MLXIPL: variants seen among roughly 807,000 people sequenced by gnomAD.
The protein encoded by MLXIPL is MLX interacting protein like.
A neutral mutation model predicts 81.5 loss-of-function variants in MLXIPL; 49 were observed. The ratio of observed to expected loss-of-function variants is 0.60; its 90% CI spans 0.48 to 0.76. MLXIPL has a LOEUF of 0.76. Ranked by LOEUF, MLXIPL falls within the 30% of genes least tolerant of loss-of-function variation. MLXIPL has a pLI of 0.00. For missense variants in MLXIPL, 1,053 were observed against 1,167.0 expected (o/e 0.90, Z 1.42); for synonymous variants, 466 against 485.5 (o/e 0.96, Z 0.53).
chr7:73,619,614 G>A (rs1796209781), intron 1 of MLXIPL, among the ~76,000 whole-genome samples: 1 of 151,690 alleles, frequency 6.6e-6, no homozygotes, highest in Admixed American at 6.6e-5. Context: ...GGGCAACAGA[G>A]TGGGAACCCG....
At chr7:73,627,865 A>T (rs1314707211), upstream of MLXIPL, among the ~76,000 whole-genome samples, 1 of 151,964 alleles carries the variant, frequency 6.6e-6, no homozygotes, top group Admixed American at 6.6e-5. Context: ...ACCGGAATTG[A>T]TCCTTGCTCT....
chr7:73,607,459 G>C (rs782633079), intron 3 of MLXIPL, 39 bp from the exon 4 acceptor site: 179 of 1,528,462 alleles, frequency 1.2e-4, no homozygotes, highest in Non-Finnish European at 1.5e-4. Flanking sequence ...AGTAGAGAGG[G>C]GAGCACCGCA....
chr7:73,620,353 G>A (rs1247495993), intron 1 of MLXIPL, among the ~76,000 whole-genome samples: 1 of 151,888 alleles, frequency 6.6e-6, no homozygotes, highest in Non-Finnish European at 1.5e-5. Context: ...GCAGTGAGCC[G>A]AGATCATGCC....
intron 5 of MLXIPL, chr7:73,606,700 A>T (rs1795307303): frequency 4.4e-6 from 2 of 459,726 alleles, no homozygotes; most frequent in African/African-American, 4.0e-5. Context: ...TGCTGGGATG[A>T]CAGGCGTGAG....
intron 2 of MLXIPL, among the ~76,000 whole-genome samples, chr7:73,612,249 T>C (rs1554599881): frequency 6.6e-6 from 1 of 152,014 alleles, no homozygotes; most frequent in African/African-American, 2.4e-5. Context: ...GGGAATTGCT[T>C]GAGCCCAGGA....
the MLXIPL span, among the ~76,000 whole-genome samples, chr7:73,636,708 T>C: frequency 1.3e-5 from 2 of 152,158 alleles, no homozygotes; most frequent in East Asian, 3.9e-4. Context: ...GATTCTGTTA[T>C]GAGTTTGCAA....
chr7:73,607,514 AGG>A, intron 3 of MLXIPL, 74 bp downstream of exon 3: 1 of 1,572,728 alleles, frequency 6.4e-7, no homozygotes, highest in South Asian at 1.1e-5. Flanking sequence ...GCTCAGCGCA[AGG>A]CTACAGGAGG....
At chr7:73,605,584 C>T (rs954281104) in intron 7 of MLXIPL, 104 bp downstream of exon 7, 36 of 982,660 alleles carry the variant, frequency 3.7e-5, no homozygotes, top group South Asian at 1.6e-4. Context: ...AAAAAAGAAA[C>T]GACCCAGACT....
At chr7:73,595,443 C>T (rs1554593303) in intron 15 of MLXIPL, among the ~76,000 whole-genome samples, 194 bp downstream of exon 15, 1 of 152,156 alleles carries the variant, frequency 6.6e-6, no homozygotes, top group African/African-American at 2.4e-5. Flanking sequence ...CTGCTCCCAG[C>T]CCCCCATCCC....
chr7:73,606,790 C>T (rs1795314668), intron 5 of MLXIPL, 184 bp downstream of exon 5: 1 of 689,052 alleles, frequency 1.5e-6, no homozygotes, highest in South Asian at 1.7e-5. Context: ...CTCACCACCT[C>T]ACCCTCACCC....
Position 73,624,388 on chromosome 7 carries a change from C to T in MLXIPL, c.105G>A (p.Arg35=). 1 of 1,568,852 alleles carries T rather than the reference C, an allele frequency of 6.4e-7. No individual in the cohort carries two copies. The highest frequency in any genetic ancestry group is 8.6e-7 in the Non-Finnish European group (1 of 1,162,762). Reference sequence around the variant, plus strand: ...AGCGGAGCAAGCCGCCCGCGCTGCGCCGGAGACTCGGGTCCTCCGAGTCTG... The same window carrying T: ...AGCGGAGCAAGCCGCCCGCGCTGCGTCGGAGACTCGGGTCCTCCGAGTCTG... ...SDTDSEDPSL[R]RSAGGLLRSQ... Residue 35 remains arginine, a synonymous_variant, in exon 1 of 17, where the codon CGG becomes CGA. Coordinates refer to ENST00000313375, the MANE Select transcript of MLXIPL (RefSeq NM_032951.3).
chr7:73,644,183 CCACTG>C, the MLXIPL span, among the ~76,000 whole-genome samples: 1 of 151,866 alleles, frequency 6.6e-6, no homozygotes, highest in Non-Finnish European at 1.5e-5. Flanking sequence ...CAGATGTGAG[CCACTG>C]CACCTGGCTG....
intron 2 of MLXIPL, among the ~76,000 whole-genome samples, chr7:73,613,424 C>T (rs1357270392): frequency 6.6e-6 from 1 of 151,958 alleles, no homozygotes; most frequent in Non-Finnish European, 1.5e-5. Context: ...CATGGTGAAA[C>T]CCCGTCTCTA....
intron 2 of MLXIPL, among the ~76,000 whole-genome samples, chr7:73,613,039 T>C (rs1554600043): frequency 6.6e-6 from 1 of 152,036 alleles, no homozygotes; most frequent in African/African-American, 2.4e-5. Flanking sequence ...GGAGTATGAC[T>C]GTTGGATCAG....
intron 15 of MLXIPL, 125 bp downstream of exon 15, chr7:73,595,512 C>T: frequency 1.2e-6 from 2 of 1,600,076 alleles, no homozygotes; most frequent in South Asian, 1.1e-5. Context: ...GAGCCAGAGC[C>T]TGTCACCTGG....
the MLXIPL span, among the ~76,000 whole-genome samples, chr7:73,643,380 G>A: frequency 6.6e-6 from 1 of 152,150 alleles, no homozygotes; most frequent in Non-Finnish European, 1.5e-5. Flanking sequence ...CGGGCATGGT[G>A]GCGGGTGCCT....
chr7:73,607,157 C>T (rs954553454), intron 4 of MLXIPL, 139 bp from the exon 5 acceptor site: 29 of 1,282,280 alleles, frequency 2.3e-5, no homozygotes, highest in Non-Finnish European at 3.1e-5. Context: ...GTAAGGAGGC[C>T]GCTAGGAGAC....
In MLXIPL at chr7:73,616,194, G is replaced by C. The variant is rs1795999274; in HGVS notation, c.294-17C>G. On this transcript the variant is annotated splice_polypyrimidine_tract_variant and intron_variant, in intron 1 of 16. Coordinates refer to ENST00000313375, the MANE Select transcript of MLXIPL (RefSeq NM_032951.3). ...AGCTTGCCACTGTCAAAGGGGAGAG[G>C]AGTAGGGTTAGGGAGATGCAGTGCT... is the stretch of plus-strand genomic sequence containing the variant. The C allele has an allele frequency of 2.5e-6, 4 of 1,597,666 alleles. No homozygotes were observed. The highest frequency in any genetic ancestry group is 2.2e-5 in the East Asian group (1 of 44,786).
In MLXIPL at chr7:73,620,857, C is replaced by T. The variant is rs139443369; in HGVS notation, c.293+3343G>A. The stretch of plus-strand genomic sequence containing the variant: ...CTTGAGGTCAGGGGTTCGAGACCAG[C>T]CTGGCCAACATGGTGAAACCTCGTC... On this transcript the variant is annotated intron_variant, in intron 1 of 16. Coordinates refer to ENST00000313375, the MANE Select transcript of MLXIPL (RefSeq NM_032951.3). Among the ~76,000 whole-genome samples the T allele has an allele frequency of 8.1e-3, 1,231 of 152,054 alleles. 20 individuals are homozygous for T. The highest frequency in any genetic ancestry group is 0.027 in the African/African-American group (1,125 of 41,444).
Sources: gnomAD v4.1 joint callset for allele counts (sites outside exome capture counted in the v4.1 genomes callset) on GRCh38, gnomAD v4.1.1 for gene constraint, MANE v1.5 for transcripts, NCBI Gene and HGNC (gene_info 2026-07-23, HGNC 2026-07-21) for gene names.